Variants in HS2ST1 observed in about 807,000 individuals in gnomAD.
HS2ST1 encodes the protein 2-O-sulfotransferase.
Under a neutral mutation model 42.9 loss-of-function variants are expected in HS2ST1, and 18 were observed. The ratio of observed to expected loss-of-function variants is 0.42; its 90% CI spans 0.29 to 0.62. HS2ST1 has a LOEUF of 0.62. HS2ST1 is among the 20% of genes least tolerant of loss of function. The pLI, the probability that HS2ST1 is intolerant of heterozygous loss-of-function variation, is 0.21. For synonymous variants in HS2ST1, 146 were observed against 152.9 expected (o/e 0.95, Z 0.33); for missense variants, 334 against 433.8 (o/e 0.77, Z 2.04).
At chr1:87,101,149 G>GT (rs1177785858) in intron 5 of HS2ST1, among the ~76,000 whole-genome samples, 8,082 of 59,498 alleles carry the variant, frequency 0.14, 3,198 homozygotes, top group East Asian at 0.2. Flanking sequence ...GTGTGTGTGT[G>GT]TTTTTTGTTT....
intron 1 of HS2ST1, chr1:86,934,477 A>G (rs1340719229): frequency 6.6e-6 from 1 of 152,166 alleles, no homozygotes; most frequent in African/African-American, 2.4e-5. Context: ...AGCAATTTAC[A>G]TTACAGTGTT....
chr1:86,989,259 A>G (rs1405244751), intron 1 of HS2ST1, among the ~76,000 whole-genome samples: 1 of 152,246 alleles, frequency 6.6e-6, no homozygotes, highest in Non-Finnish European at 1.5e-5. Context: ...CCATTAACTA[A>G]TAGGGCAAAG....
At chr1:87,045,896 T>G (rs1006852529) in intron 1 of HS2ST1, 5 of 700,222 alleles carry the variant, frequency 7.1e-6, no homozygotes, top group African/African-American at 7.0e-5. Flanking sequence ...CTTAAGAACC[T>G]TGTGCTCACC....
In HS2ST1 at chr1:86,985,178, A is replaced by T. The variant is rs1648721064; in HGVS notation, c.124+70018A>T. Among the ~76,000 whole-genome samples, 8 of 146,864 alleles carry T rather than the reference A, an allele frequency of 5.4e-5. No individual in the cohort carries two copies. In the South Asian group the frequency reaches 1.7e-3, roughly 32 times the overall value. On this transcript the variant is annotated intron_variant, in intron 1 of 6. Coordinates refer to ENST00000370550, the MANE Select transcript of HS2ST1 (RefSeq NM_012262.4). ...ACACCATCCTGGCTAACACGGTGAA[A>T]CCCCGTCTCTACTAAAAATACAAAA...
chr1:87,104,445 C>A (rs375211034), intron 6 of HS2ST1, 25 bp from the exon 7 acceptor site: 5 of 1,432,474 alleles, frequency 3.5e-6, no homozygotes, highest in Non-Finnish European at 4.9e-6. Flanking sequence ...ATTTACCTTT[C>A]CTTTTTTTCC....
intron 1 of HS2ST1, among the ~76,000 whole-genome samples, chr1:86,922,419 T>TTGTGTGTGTGTGTGTGTGTGTG (rs150775849): frequency 2.7e-5 from 4 of 147,740 alleles, no homozygotes; most frequent in African/African-American, 5.0e-5. Context: ...GTTCTTCATT[T>TTGTGTGTGTGTGTGTGTGTGTG]TGTGTGTGTG....
intron 4 of HS2ST1, among the ~76,000 whole-genome samples, chr1:87,096,937 A>G (rs1652082419): frequency 6.6e-6 from 1 of 152,252 alleles, no homozygotes; most frequent in South Asian, 2.1e-4. Context: ...AAAATCTGGC[A>G]CAAATGATAA....
intron 1 of HS2ST1, among the ~76,000 whole-genome samples, chr1:86,919,246 CTTA>C (rs1385824473): frequency 6.6e-6 from 1 of 152,084 alleles, no homozygotes; most frequent in East Asian, 1.9e-4. Context: ...CACCCGGCCT[CTTA>C]TTTGTTTTTG....
chr1:86,982,210 A>G (rs1648616173), intron 1 of HS2ST1, among the ~76,000 whole-genome samples: 1 of 152,130 alleles, frequency 6.6e-6, no homozygotes, highest in African/African-American at 2.4e-5. Context: ...GGCCCAGCTG[A>G]TGATACCACT....
intron 1 of HS2ST1, among the ~76,000 whole-genome samples, chr1:87,055,809 C>G (rs1325983521): frequency 6.6e-6 from 1 of 152,168 alleles, no homozygotes; most frequent in Non-Finnish European, 1.5e-5. Context: ...TGCTGCCTTT[C>G]TCTAACAGCC....
intron 1 of HS2ST1, among the ~76,000 whole-genome samples, chr1:87,005,533 A>G (rs1359615537): frequency 6.6e-6 from 1 of 152,208 alleles, no homozygotes; most frequent in East Asian, 1.9e-4. Context: ...TGTTGGCAAA[A>G]TAATAACACT....
At chr1:86,916,771 T>C (rs561105839) in intron 1 of HS2ST1, among the ~76,000 whole-genome samples, 1 of 152,168 alleles carries the variant, frequency 6.6e-6, no homozygotes, top group Non-Finnish European at 1.5e-5. Context: ...AAAAAAAGAC[T>C]CCTCTTGAAG....
At chr1:86,996,793 T>C (rs1057476482) in intron 1 of HS2ST1, among the ~76,000 whole-genome samples, 2 of 152,160 alleles carry the variant, frequency 1.3e-5, no homozygotes, top group African/African-American at 2.4e-5. Flanking sequence ...ATAATACATA[T>C]GAAGATATCT....
intron 1 of HS2ST1, among the ~76,000 whole-genome samples, chr1:86,954,434 A>G (rs2102190241): frequency 6.6e-6 from 1 of 152,324 alleles, no homozygotes. Flanking sequence ...TTCTTGAATT[A>G]AGATTTATGA....
chr1:86,962,147 T>G (rs1326804411), intron 1 of HS2ST1, among the ~76,000 whole-genome samples: 1 of 152,220 alleles, frequency 6.6e-6, no homozygotes, highest in East Asian at 1.9e-4. Context: ...GTTGGGACCG[T>G]GTGCATTACC....
At chr1:87,030,529 C>T (rs76340414) in intron 1 of HS2ST1, among the ~76,000 whole-genome samples, 15 of 151,448 alleles carry the variant, frequency 9.9e-5, no homozygotes, top group East Asian at 7.8e-4. Context: ...TGCATGCACA[C>T]GCACACACGC....
intron 1 of HS2ST1, among the ~76,000 whole-genome samples, chr1:86,985,511 T>C (rs200173100): frequency 0.025 from 899 of 36,078 alleles, 16 homozygotes; most frequent in African/African-American, 0.064. Context: ...TATATACACA[T>C]ATATATACAC....
intron 1 of HS2ST1, among the ~76,000 whole-genome samples, chr1:86,928,492 C>A (rs1193601289): frequency 6.6e-6 from 1 of 151,762 alleles, no homozygotes; most frequent in African/African-American, 2.4e-5. Flanking sequence ...TAAGAAAGTG[C>A]CTCCAATTGC....
At chr1:87,038,937 A>T (rs144083044) in intron 1 of HS2ST1, among the ~76,000 whole-genome samples, 1 of 152,242 alleles carries the variant, frequency 6.6e-6, no homozygotes, top group East Asian at 1.9e-4. Context: ...TTAAAAAAGT[A>T]ATCTATAATT....
Sources: allele counts gnomAD v4.1 joint callset (sites outside exome capture counted in the v4.1 genomes callset), GRCh38; gene constraint gnomAD v4.1.1; transcripts MANE v1.5; gene names NCBI Gene and HGNC (gene_info 2026-07-23, HGNC 2026-07-21).